CFAP299: variants seen among roughly 807,000 people sequenced by gnomAD.
The protein encoded by CFAP299 is cilia and flagella associated protein 299.
CFAP299 carries 21 observed loss-of-function variants against 27.0 expected under a neutral mutation model. The ratio of observed to expected loss-of-function variants is 0.78; its 90% CI spans 0.55 to 1.12. The LOEUF (loss-of-function observed/expected upper bound fraction) is 1.12, where lower values mean the gene tolerates loss of function less well. Among genes scored for constraint, CFAP299 ranks in the 50% most tolerant of loss-of-function variants. The probability of loss-of-function intolerance (pLI) is 0.00; values close to 1 mark genes in which losing one functional copy is unlikely to be tolerated. For synonymous variants in CFAP299, 104 were observed against 98.1 expected (o/e 1.06, Z -0.36); for missense variants, 310 against 276.6 (o/e 1.12, Z -0.86).
chr4:80,805,162 C>A (rs1284812771), intron 3 of CFAP299, among the ~76,000 whole-genome samples: 2 of 151,882 alleles, frequency 1.3e-5, no homozygotes, highest in East Asian at 3.8e-4. Context: ...ATTTTGAGAA[C>A]ACAAGCATAA....
At chr4:80,322,664 A>G in the CFAP299 span, among the ~76,000 whole-genome samples, 6 of 152,246 alleles carry the variant, frequency 3.9e-5, no homozygotes, top group African/African-American at 1.4e-4. Flanking sequence ...TTCAGTAATC[A>G]TGTACAAATA....
intron 3 of CFAP299, among the ~76,000 whole-genome samples, chr4:80,719,906 G>T (rs1722717647): frequency 6.6e-6 from 1 of 152,136 alleles, no homozygotes; most frequent in Admixed American, 6.5e-5. Flanking sequence ...AAAAAATAAT[G>T]AACTGAATAA....
chr4:80,710,502 A>T (rs1205595669), intron 3 of CFAP299, among the ~76,000 whole-genome samples: 1,760 of 23,350 alleles, frequency 0.075, 47 homozygotes, highest in East Asian at 0.38. Flanking sequence ...TTTTTTTTTA[A>T]AAAAAAAAAG....
intron 1 of CFAP299, among the ~76,000 whole-genome samples, chr4:80,344,375 C>A (rs542148327): frequency 1.3e-5 from 2 of 152,012 alleles, no homozygotes; most frequent in Non-Finnish European, 2.9e-5. Context: ...AACACCTCTT[C>A]GTGCAGAAAA....
intron 1 of CFAP299, among the ~76,000 whole-genome samples, chr4:80,344,893 C>T (rs1455965793): frequency 6.6e-6 from 1 of 152,182 alleles, no homozygotes; most frequent in Non-Finnish European, 1.5e-5. Context: ...TAAAAAACCA[C>T]ATGATTATCT....
chr4:80,587,777 G>T (rs1164829159), intron 3 of CFAP299, among the ~76,000 whole-genome samples: 6 of 151,948 alleles, frequency 3.9e-5, no homozygotes, highest in Non-Finnish European at 1.5e-5. Context: ...TTATTTGTAG[G>T]GACAGGGTTT....
chr4:80,659,088 T>G (rs1235576209), intron 3 of CFAP299, among the ~76,000 whole-genome samples: 2 of 152,144 alleles, frequency 1.3e-5, no homozygotes, highest in Non-Finnish European at 2.9e-5. Flanking sequence ...TCAAACTAAG[T>G]ATGGAACTTC....
rs115807061 is a variant in CFAP299 at position 80,876,290 on chromosome 4, G to A, written c.476+6155G>A. Among the ~76,000 whole-genome samples, 507 of 151,870 alleles carry A rather than the reference G, an allele frequency of 3.3e-3. 1 individual carries two copies. Among genetic ancestry groups the A allele is most frequent in the African/African-American group, 0.011 (470 of 41,406 alleles). On this transcript the variant is annotated intron_variant, in intron 4 of 5. Coordinates refer to ENST00000358105, the MANE Select transcript of CFAP299 (RefSeq NM_152770.3). ...AATCCATATAATCCTCACATGTCAC[G>A]GGAGGGACCTGATGGAAGGTAATTG... is the stretch of plus-strand genomic sequence containing the variant.
At chr4:80,379,879 A>C (rs556716984) in intron 2 of CFAP299, among the ~76,000 whole-genome samples, 5 of 152,064 alleles carry the variant, frequency 3.3e-5, no homozygotes. Flanking sequence ...TTGTAGGTGT[A>C]TTTTTAGAAT....
intron 3 of CFAP299, among the ~76,000 whole-genome samples, chr4:80,586,593 A>G (rs558106631): frequency 3.3e-5 from 5 of 152,324 alleles, no homozygotes; most frequent in African/African-American, 9.6e-5. Context: ...CCAAAAACAA[A>G]GATGTATAGA....
intron 2 of CFAP299, among the ~76,000 whole-genome samples, chr4:80,415,510 ATAG>A (rs1211233003): frequency 2.0e-5 from 3 of 152,146 alleles, no homozygotes; most frequent in African/African-American, 4.8e-5. Flanking sequence ...GGTTGCTAAA[ATAG>A]TAGTTTAACT....
intron 2 of CFAP299, among the ~76,000 whole-genome samples, chr4:80,425,860 T>G (rs1169376190): frequency 6.6e-6 from 1 of 152,222 alleles, no homozygotes; most frequent in Non-Finnish European, 1.5e-5. Flanking sequence ...GATTATAGTC[T>G]TGTGTAAAAA....
At chr4:80,783,235 A>G (rs1002035897) in intron 3 of CFAP299, among the ~76,000 whole-genome samples, 3 of 152,080 alleles carry the variant, frequency 2.0e-5, no homozygotes, top group African/African-American at 7.2e-5. Context: ...AGAAGCTTCA[A>G]TCTCTTTTAT....
chr4:80,767,949 A>C (rs1725991178), intron 3 of CFAP299, among the ~76,000 whole-genome samples: 2 of 152,194 alleles, frequency 1.3e-5, no homozygotes, highest in South Asian at 4.1e-4. Flanking sequence ...TTCTTTTTTA[A>C]GAAAATTAAT....
intron 4 of CFAP299, among the ~76,000 whole-genome samples, chr4:80,887,454 A>T (rs957922935): frequency 9.2e-5 from 14 of 152,014 alleles, no homozygotes; most frequent in Non-Finnish European, 2.1e-4. Context: ...AAAGAAAAAA[A>T]ATACCCTTGA....
intron 1 of CFAP299, among the ~76,000 whole-genome samples, chr4:80,352,426 G>A (rs1723062734): frequency 6.6e-6 from 1 of 152,138 alleles, no homozygotes; most frequent in African/African-American, 2.4e-5. Flanking sequence ...AATTATGCGG[G>A]GACAGTGGTG....
chr4:80,646,034 A>C (rs1280530124), intron 3 of CFAP299, among the ~76,000 whole-genome samples: 3 of 152,146 alleles, frequency 2.0e-5, no homozygotes. Context: ...AGTTCTTAAG[A>C]CTTAGCTTTT....
chr4:80,419,045 G>T (rs1408973318), intron 2 of CFAP299, among the ~76,000 whole-genome samples: 1 of 152,158 alleles, frequency 6.6e-6, no homozygotes. Flanking sequence ...ATACAGGTCT[G>T]CAGCAACCTC....
chr4:80,497,795 AGCAT>A (rs1731533530), intron 2 of CFAP299, among the ~76,000 whole-genome samples: 2 of 152,200 alleles, frequency 1.3e-5, no homozygotes, highest in African/African-American at 4.8e-5. Context: ...GACACTGAAT[AGCAT>A]AAGCAATCCT....
Sources: allele counts gnomAD v4.1 joint callset (sites outside exome capture counted in the v4.1 genomes callset), GRCh38; gene constraint gnomAD v4.1.1; transcripts MANE v1.5; gene names NCBI Gene and HGNC (gene_info 2026-07-23, HGNC 2026-07-21).